The following NTM variants were observed in gnomAD, a reference collection of about 807,000 sequenced individuals.
NTM encodes the protein neurotrimin.
In NTM, 13 loss-of-function variants were observed where a neutral mutation model predicts 42.1. The observed-to-expected ratio is 0.31, with a 90% CI of 0.20 to 0.49. The LOEUF (loss-of-function observed/expected upper bound fraction) is 0.49, where lower values mean the gene tolerates loss of function less well. Ranked by LOEUF, NTM falls within the 20% of genes least tolerant of loss-of-function variation. The pLI is 0.99. For missense variants in NTM, 373 were observed against 452.8 expected (o/e 0.82, Z 1.60); for synonymous variants, 187 against 179.2 (o/e 1.04, Z -0.35).
chr11:131,872,459 C>T (rs896284797), intron 1 of NTM, among the ~76,000 whole-genome samples: 1 of 152,184 alleles, frequency 6.6e-6, no homozygotes, highest in Non-Finnish European at 1.5e-5. Context: ...CTTGTTCAGC[C>T]AGGATCTATG....
At chr11:131,980,245 C>T (rs772606086) in intron 2 of NTM, among the ~76,000 whole-genome samples, 49 of 152,128 alleles carry the variant, frequency 3.2e-4, no homozygotes, top group South Asian at 6.2e-4. Flanking sequence ...AACATTAAGT[C>T]GGCTTTCAGC....
intron 4 of NTM, among the ~76,000 whole-genome samples, chr11:132,217,789 C>G (rs924799652): frequency 1.3e-5 from 2 of 150,042 alleles, no homozygotes; most frequent in East Asian, 3.9e-4. Flanking sequence ...TAAAAGGCAC[C>G]AAATTGATGG....
chr11:131,798,222 G>A (rs530125300), intron 1 of NTM, among the ~76,000 whole-genome samples: 1 of 152,312 alleles, frequency 6.6e-6, no homozygotes, highest in South Asian at 2.1e-4. Context: ...GTGTGTGGGT[G>A]CATGGGCTGC....
chr11:132,043,787 G>A (rs966524033), intron 2 of NTM, among the ~76,000 whole-genome samples: 2 of 152,208 alleles, frequency 1.3e-5, no homozygotes. Context: ...GAGGGGAGAG[G>A]AGAGAGGTAA....
chr11:132,108,638 C>T (rs1566181968), intron 2 of NTM, among the ~76,000 whole-genome samples: 2 of 152,038 alleles, frequency 1.3e-5, no homozygotes, highest in Middle Eastern at 3.4e-3. Flanking sequence ...AAGAACGTAT[C>T]CATGAAACCG....
intron 1 of NTM, among the ~76,000 whole-genome samples, chr11:131,875,215 T>C (rs1158667292): frequency 6.6e-6 from 1 of 152,196 alleles, no homozygotes; most frequent in Non-Finnish European, 1.5e-5. Context: ...AAAATTCTGG[T>C]TTATTGGTTT....
At position 131,641,420 on chromosome 11, in the gene NTM, G is replaced by A. The variant is rs149426313; in HGVS notation, c.83-270144G>A. Among the ~76,000 whole-genome samples, 369 of 152,278 alleles carry A rather than the reference G, an allele frequency of 2.4e-3. 1 individual carries two copies. Among genetic ancestry groups the A allele is most frequent in the African/African-American group, 8.2e-3 (341 of 41,548 alleles). On this transcript the variant is annotated intron_variant, in intron 1 of 8. Transcript: ENST00000683400. ...TAAAATAGACCAGACTGAAGGGATC[G>A]TCTCTGGTTGCAGCAGATCTTAGGT...
At chr11:131,824,481 T>C (rs892502362) in intron 1 of NTM, among the ~76,000 whole-genome samples, 2 of 152,212 alleles carry the variant, frequency 1.3e-5, no homozygotes, top group Non-Finnish European at 2.9e-5. Context: ...AGTTCTGTAA[T>C]AGTAGAAAGC....
chr11:132,162,677 GTGTT>G (rs766929937), intron 3 of NTM, among the ~76,000 whole-genome samples: 54 of 151,194 alleles, frequency 3.6e-4, no homozygotes, highest in Non-Finnish European at 5.9e-4. Flanking sequence ...GAGTGTGTGT[GTGTT>G]TGTGTAGGGA....
At chr11:132,026,739 T>C (rs1223643869) in intron 2 of NTM, among the ~76,000 whole-genome samples, 1 of 152,222 alleles carries the variant, frequency 6.6e-6, no homozygotes, top group Non-Finnish European at 1.5e-5. Context: ...GGGTTTTGAT[T>C]GGAGGAGAAG....
At chr11:132,108,466 A>AG (rs1364366262) in intron 2 of NTM, among the ~76,000 whole-genome samples, 1 of 152,164 alleles carries the variant, frequency 6.6e-6, no homozygotes. Flanking sequence ...CTCACTCATA[A>AG]GTGGGAGCTA....
chr11:131,903,618 C>T (rs530681810), intron 1 of NTM, among the ~76,000 whole-genome samples: 1 of 152,280 alleles, frequency 6.6e-6, no homozygotes, highest in African/African-American at 2.4e-5. Flanking sequence ...ATAAGAAGGG[C>T]TATTTCTGTG....
At chr11:131,426,341 G>A (rs539477566) in intron 1 of NTM, among the ~76,000 whole-genome samples, 1 of 152,074 alleles carries the variant, frequency 6.6e-6, no homozygotes, top group African/African-American at 2.4e-5. Context: ...GCTGCACAGG[G>A]GTTAAGAGCC....
chr11:132,290,042 C>T (rs374112311), intron 4 of NTM, among the ~76,000 whole-genome samples: 13 of 152,264 alleles, frequency 8.5e-5, no homozygotes, highest in East Asian at 1.9e-4. Context: ...GGACATTTGC[C>T]GCTATATTGT....
At chr11:131,483,172 G>A (rs748389799) in intron 1 of NTM, among the ~76,000 whole-genome samples, 1 of 152,180 alleles carries the variant, frequency 6.6e-6, no homozygotes. Context: ...TCAAAGCTTC[G>A]AGAGAAGCTC....
intron 2 of NTM, among the ~76,000 whole-genome samples, chr11:131,993,847 C>CA (rs2067464152): frequency 1.3e-5 from 2 of 151,514 alleles, no homozygotes; most frequent in South Asian, 4.2e-4. Flanking sequence ...ACTAAAAATA[C>CA]AAAAAATTAG....
intron 1 of NTM, among the ~76,000 whole-genome samples, chr11:131,790,051 C>T (rs572506178): frequency 1.3e-5 from 2 of 149,048 alleles, no homozygotes; most frequent in African/African-American, 4.9e-5. Flanking sequence ...ACTGTTGAGA[C>T]TCAAATTAGT....
At chr11:132,317,968 A>AG (rs920255198) in intron 7 of NTM, among the ~76,000 whole-genome samples, 1 of 152,234 alleles carries the variant, frequency 6.6e-6, no homozygotes, top group African/African-American at 2.4e-5. Context: ...ACAAAGGCAA[A>AG]GGGTAGAGAG....
intron 4 of NTM, among the ~76,000 whole-genome samples, chr11:132,217,509 G>A (rs1035957402): frequency 5.9e-5 from 9 of 151,930 alleles, no homozygotes; most frequent in Non-Finnish European, 1.2e-4. Context: ...GAGATCAAAA[G>A]AGATCTTCCC....
Sources: allele counts gnomAD v4.1 joint callset (sites outside exome capture counted in the v4.1 genomes callset), GRCh38; gene constraint gnomAD v4.1.1; transcripts MANE v1.5; gene names NCBI Gene and HGNC (gene_info 2026-07-23, HGNC 2026-07-21).